The following ZNF804B variants were observed in gnomAD, a reference collection of about 807,000 sequenced individuals.
ZNF804B encodes the protein zinc finger protein 804B, also known as zinc finger 804B.
In ZNF804B, 80 loss-of-function variants were observed where a neutral mutation model predicts 101.4. That is an observed-to-expected ratio of 0.79 (90% CI 0.66 to 0.95). The LOEUF is 0.95. Among genes scored for constraint, ZNF804B ranks in the 40% least tolerant of loss-of-function variants. The pLI, the probability that ZNF804B is intolerant of heterozygous loss-of-function variation, is 0.00. For missense variants in ZNF804B, 1,673 were observed against 1,561.9 expected, an observed-to-expected ratio of 1.07 and a Z score of -1.20; for synonymous variants, 622 against 558.8, an observed-to-expected ratio of 1.11 and a Z score of -1.59.
At chr7:89,233,789 C>T (rs1397869991) in intron 2 of ZNF804B, among the ~76,000 whole-genome samples, 1 of 152,120 alleles carries the variant, frequency 6.6e-6, no homozygotes, top group Non-Finnish European at 1.5e-5. Context: ...CAGGCACATG[C>T]CACCATGCCC....
intron 1 of ZNF804B, among the ~76,000 whole-genome samples, chr7:89,129,300 A>G (rs1285985622): frequency 6.6e-6 from 1 of 152,084 alleles, no homozygotes; most frequent in East Asian, 1.9e-4. Flanking sequence ...TTGTTAGATG[A>G]GAATAATATA....
In ZNF804B at chr7:89,067,338, C is replaced by T. The variant is rs60438399; in HGVS notation, c.109-150817C>T. Reference sequence around the variant, plus strand: ...GGAGCCCAGGCCTTCGTAGGGCTTACTTGATTGAGTTAGGCCCATCCAGGA... The same window carrying T: ...GGAGCCCAGGCCTTCGTAGGGCTTATTTGATTGAGTTAGGCCCATCCAGGA... On this transcript the variant is annotated intron_variant, in intron 1 of 3. Coordinates refer to ENST00000333190, the MANE Select transcript of ZNF804B (RefSeq NM_181646.5). Among the ~76,000 whole-genome samples the T allele has an allele frequency of 9.6e-3, 1,461 of 152,266 alleles. 29 individuals carry two copies. The highest frequency in any genetic ancestry group is 0.033 in the African/African-American group (1,389 of 41,560).
chr7:89,232,608 C>A (rs1350041148), intron 2 of ZNF804B, among the ~76,000 whole-genome samples: 2 of 152,042 alleles, frequency 1.3e-5, no homozygotes, highest in Non-Finnish European at 2.9e-5. Context: ...TTGGCAATTT[C>A]TGTCTTTGTG....
At chr7:89,047,073 A>G (rs1789120297) in intron 1 of ZNF804B, among the ~76,000 whole-genome samples, 1 of 152,106 alleles carries the variant, frequency 6.6e-6, no homozygotes, top group African/African-American at 2.4e-5. Context: ...TTTTAAAATT[A>G]TGTTAAATTT....
chr7:88,862,031 CA>C (rs1791656941), intron 1 of ZNF804B, among the ~76,000 whole-genome samples: 1 of 152,196 alleles, frequency 6.6e-6, no homozygotes, highest in South Asian at 2.1e-4. Flanking sequence ...TCACTAGCAA[CA>C]TCACTTCTAT....
At chr7:88,789,211 G>A (rs1790344534) in intron 1 of ZNF804B, among the ~76,000 whole-genome samples, 1 of 152,014 alleles carries the variant, frequency 6.6e-6, no homozygotes, top group Admixed American at 6.6e-5. Context: ...AACTCAACAT[G>A]AGGCCAGCTA....
chr7:88,917,274 C>CTAAAAA (rs1487314158), intron 1 of ZNF804B, among the ~76,000 whole-genome samples: 1 of 151,638 alleles, frequency 6.6e-6, no homozygotes, highest in Non-Finnish European at 1.5e-5. Flanking sequence ...CAAAAAAAAA[C>CTAAAAA]TAAAAATAAA....
At chr7:88,779,785 C>A (rs546969311) in intron 1 of ZNF804B, among the ~76,000 whole-genome samples, 1 of 152,222 alleles carries the variant, frequency 6.6e-6, no homozygotes, top group East Asian at 1.9e-4. Flanking sequence ...TTTTCATATT[C>A]TTTTATTACA....
At chr7:89,058,843 G>GCCA (rs1789334290) in intron 1 of ZNF804B, among the ~76,000 whole-genome samples, 1 of 152,126 alleles carries the variant, frequency 6.6e-6, no homozygotes, top group South Asian at 2.1e-4. Flanking sequence ...ACAGGCCTGT[G>GCCA]CCACCATATC....
rs998000092 is a variant in ZNF804B at position 89,003,934 on chromosome 7, T to G, written c.109-214221T>G. On this transcript the variant is annotated intron_variant, in intron 1 of 3. Coordinates refer to ENST00000333190, the MANE Select transcript of ZNF804B (RefSeq NM_181646.5). ...GTGAGTGCCATAGTTTCAGGAAGAG[T>G]AGTTTTGTATAGGCATTCTTAAAAC... Among the ~76,000 whole-genome samples the G allele has an allele frequency of 9.2e-5, 14 of 151,598 alleles. No individual in the cohort carries two copies. In the East Asian group the frequency reaches 2.3e-3, roughly 25 times the overall value.
intron 1 of ZNF804B, among the ~76,000 whole-genome samples, chr7:88,769,871 G>T (rs1021890275): frequency 6.6e-6 from 1 of 151,994 alleles, no homozygotes; most frequent in Non-Finnish European, 1.5e-5. Flanking sequence ...AGTTAGGATG[G>T]GACCACAGTA....
chr7:88,813,944 T>G lies in ZNF804B; in HGVS notation c.108+53860T>G, dbSNP rs575056593. On this transcript the variant is annotated intron_variant, in intron 1 of 3. Coordinates refer to ENST00000333190, the MANE Select transcript of ZNF804B (RefSeq NM_181646.5). Reference sequence around the variant, plus strand: ...AATTTGCACTCACTAGGTTTTGTAGTGAATTCTTGACATGCATAGCCAATG... The same window carrying G: ...AATTTGCACTCACTAGGTTTTGTAGGGAATTCTTGACATGCATAGCCAATG... Among the ~76,000 whole-genome samples, 46 of 152,292 alleles carry G rather than the reference T, an allele frequency of 3.0e-4. 1 individual carries two copies. Among genetic ancestry groups the G allele is most frequent in the Non-Finnish European group, 5.9e-4 (40 of 68,018 alleles).
At chr7:89,126,077 C>A (rs1205638495) in intron 1 of ZNF804B, among the ~76,000 whole-genome samples, 1 of 150,906 alleles carries the variant, frequency 6.6e-6, no homozygotes, top group Non-Finnish European at 1.5e-5. Context: ...GAGTTTCTGG[C>A]AAAAAATGAC....
chr7:89,005,319 G>A (rs1233602592), intron 1 of ZNF804B, among the ~76,000 whole-genome samples: 1 of 151,970 alleles, frequency 6.6e-6, no homozygotes, highest in African/African-American at 2.4e-5. Context: ...ACATAGCAGT[G>A]TATATCACAG....
At chr7:88,860,723 A>G (rs889295501) in intron 1 of ZNF804B, among the ~76,000 whole-genome samples, 9 of 152,194 alleles carry the variant, frequency 5.9e-5, no homozygotes, top group African/African-American at 2.2e-4. Flanking sequence ...ACAAATAGAC[A>G]CGAATACAAG....
At chr7:89,155,130 C>A (rs1169849052) in intron 1 of ZNF804B, among the ~76,000 whole-genome samples, 3 of 152,092 alleles carry the variant, frequency 2.0e-5, no homozygotes, top group African/African-American at 4.8e-5. Context: ...CTGATGCTTT[C>A]AAAAACTACC....
At chr7:89,142,247 T>C (rs976170713) in intron 1 of ZNF804B, among the ~76,000 whole-genome samples, 1 of 151,972 alleles carries the variant, frequency 6.6e-6, no homozygotes, top group African/African-American at 2.4e-5. Context: ...GGTGAAGGTT[T>C]CTTCAGGGTT....
At chr7:89,197,664 A>G (rs960511675) in intron 1 of ZNF804B, among the ~76,000 whole-genome samples, 10 of 151,976 alleles carry the variant, frequency 6.6e-5, no homozygotes, top group African/African-American at 1.7e-4. Flanking sequence ...GATTCAATCT[A>G]TGTCACTCGG....
rs567974098 is a variant in ZNF804B at position 88,848,647 on chromosome 7, G to A, written c.108+88563G>A. 3.5e-5 allele frequency among the ~76,000 whole-genome samples: 5 copies of A among 142,234 alleles called. No homozygotes were observed. The South Asian group carries it at 6.6e-4, about 19-fold the overall frequency. 93.3% of individuals were successfully genotyped at this position (142,234 alleles called of 152,430 possible). On this transcript the variant is annotated intron_variant, in intron 1 of 3. Coordinates refer to ENST00000333190, the MANE Select transcript of ZNF804B (RefSeq NM_181646.5). ...TTTTTTTTTTTTTTTTTTAAAAAAC[G>A]TGTCTAGTTTTAGAAATTACGGACT...
Sources: gnomAD v4.1 joint callset for allele counts (sites outside exome capture counted in the v4.1 genomes callset) on GRCh38, gnomAD v4.1.1 for gene constraint, MANE v1.5 for transcripts, NCBI Gene and HGNC (gene_info 2026-07-23, HGNC 2026-07-21) for gene names.